The following LAD1 variants were observed in gnomAD, a reference collection of about 807,000 sequenced individuals.
The protein encoded by LAD1 is ladinin 1.
LAD1 carries 53 observed loss-of-function variants against 54.2 expected under a neutral mutation model. That is an observed-to-expected ratio of 0.98 (90% CI 0.78 to 1.23). The LOEUF (loss-of-function observed/expected upper bound fraction) is 1.23. LAD1 is among the 50% of genes most tolerant of loss of function. The pLI is 0.00. For synonymous variants in LAD1, 231 were observed against 257.7 expected, an observed-to-expected ratio of 0.90 and a Z score of 0.99; for missense variants, 637 against 653.3, an observed-to-expected ratio of 0.98 and a Z score of 0.27.
chr1:201,381,467 G>C lies in LAD1; in HGVS notation c.*421C>G, dbSNP rs543317437. On this transcript the variant is annotated 3_prime_UTR_variant, in exon 10 of 10. Coordinates refer to ENST00000391967, the MANE Select transcript of LAD1 (RefSeq NM_005558.4). ...TGGGTGGGTCCAGGCCTCAGAGAAGGGGGACATCATAGACAAAGAGGCACT... is the reference window on the plus strand; with the variant it reads ...TGGGTGGGTCCAGGCCTCAGAGAAGCGGGACATCATAGACAAAGAGGCACT... 1 of 271,416 alleles carries C rather than the reference G, an allele frequency of 3.7e-6. No individual in the cohort carries two copies. Among genetic ancestry groups the C allele is most frequent in the South Asian group, 3.7e-5 (1 of 26,858 alleles). The allele number at this position is 271,416 out of a possible 1,614,324, so 16.8% of individuals were successfully genotyped here.
chr1:201,387,486 T>C (rs1408623339), intron 2 of LAD1, among the ~76,000 whole-genome samples: 1 of 152,192 alleles, frequency 6.6e-6, no homozygotes, highest in African/African-American at 2.4e-5. Context: ...CTTGGGGCAT[T>C]GGGGATCAAA....
At chr1:201,387,212 T>C (rs761520509) in intron 2 of LAD1, 34 bp from the exon 3 acceptor site, 8 of 1,479,296 alleles carry the variant, frequency 5.4e-6, no homozygotes, top group Admixed American at 4.8e-5. Flanking sequence ...AATCAGAGGA[T>C]AGAGGTGGAA....
Position 201,389,278 on chromosome 1 carries a change from C to T in LAD1, c.64G>A (p.Asp22Asn), listed in dbSNP as rs1326943068. 2 of 1,613,664 alleles carry T rather than the reference C, an allele frequency of 1.2e-6. No individual in the cohort carries two copies. The highest frequency in any genetic ancestry group is 1.1e-5 in the South Asian group (1 of 91,076). ...SSLARQRTLEDEEEQERERRR... is the reference protein window; with the variant it reads ...SSLARQRTLENEEEQERERRR... ...CGCTCGCGCTCCTGTTCCTCCTCAT[C>T]CTCCAGAGTCCTCTGCCGGGCAAGG... The change falls in exon 2 of 10, where the codon GAT becomes AAT. Residue 22 changes from aspartate (D) to asparagine (N), a missense_variant. Transcript: ENST00000391967.
chr1:201,383,769 T>C (rs367631562), intron 5 of LAD1, among the ~76,000 whole-genome samples: 31 of 152,228 alleles, frequency 2.0e-4, no homozygotes, highest in African/African-American at 7.0e-4. Context: ...AATCTGATCC[T>C]GTCCTTCCAG....
intron 1 of LAD1, chr1:201,397,216 A>T (rs1662306167): frequency 6.6e-6 from 1 of 152,456 alleles, no homozygotes; most frequent in South Asian, 2.1e-4. Context: ...GGCTCTGTTG[A>T]CAGTGACTCA....
intron 5 of LAD1, among the ~76,000 whole-genome samples, chr1:201,384,129 A>G (rs1662026081): frequency 6.6e-6 from 1 of 152,036 alleles, no homozygotes; most frequent in Non-Finnish European, 1.5e-5. Flanking sequence ...GAGCTGCTAT[A>G]GGTTTGCTGG....
intron 4 of LAD1, 40 bp from the exon 5 acceptor site, chr1:201,384,875 C>G (rs553467805): frequency 1.7e-4 from 279 of 1,607,464 alleles, no homozygotes; most frequent in South Asian, 3.7e-4. Context: ...TGGGAGTCCC[C>G]GGGAAATCGG....
rs768155714 is a variant in LAD1, at chr1:201,383,319, G to A, written c.1246C>T (p.Arg416Trp). The A allele has an allele frequency of 9.3e-6, 15 of 1,613,848 alleles. No homozygotes were observed. Among genetic ancestry groups the A allele is most frequent in the African/African-American group, 4.0e-5 (3 of 74,910 alleles). Residue 416 changes from arginine to tryptophan, a missense_variant and splice_region_variant, in exon 6 of 10, where the codon CGG becomes TGG. Transcript: ENST00000391967. Reference sequence around the variant, plus strand: ...CCTCAGGAGAAGCCCCCACCCACCCGTATGGCCGTGTGGTATCTCTCCAGC... The same window carrying A: ...CCTCAGGAGAAGCCCCCACCCACCCATATGGCCGTGTGGTATCTCTCCAGC... ...EKLERYHTAI[R>W]RSESVKSRGL...
chr1:201,382,643 G>A lies in LAD1; in HGVS notation c.1473+10C>T. ...TCCACAGTAAGAGACATCAGGGAGG[G>A]TGAGGATACCTGGGGGTCCTGATCT... is the stretch of plus-strand genomic sequence containing the variant. On this transcript the variant is annotated intron_variant, in intron 8 of 9. Coordinates refer to ENST00000391967, the MANE Select transcript of LAD1 (RefSeq NM_005558.4). 1 of 1,586,858 alleles carries A rather than the reference G, an allele frequency of 6.3e-7. No homozygotes were observed. Among genetic ancestry groups the A allele is most frequent in the Non-Finnish European group, 8.6e-7 (1 of 1,164,828 alleles).
chr1:201,382,572 C>T (rs1449781842), intron 8 of LAD1, 81 bp downstream of exon 8: 1 of 1,203,060 alleles, frequency 8.3e-7, no homozygotes, highest in Non-Finnish European at 1.2e-6. Flanking sequence ...GACTCCTCCT[C>T]TCCCGACTGT....
At chr1:201,398,997 G>A (rs1322860352) in intron 1 of LAD1, among the ~76,000 whole-genome samples, 1 of 152,188 alleles carries the variant, frequency 6.6e-6, no homozygotes, top group Non-Finnish European at 1.5e-5. Context: ...CTTCCACAGG[G>A]GGGGCCATAT....
chr1:201,384,876 G>A (rs199720743), intron 4 of LAD1, 41 bp from the exon 5 acceptor site: 67 of 1,607,804 alleles, frequency 4.2e-5, no homozygotes, highest in African/African-American at 3.6e-4. Context: ...GGGAGTCCCC[G>A]GGAAATCGGT....
rs772456643 is a variant in LAD1, at chr1:201,386,622, T to A, written c.739A>T (p.Met247Leu). 45 of 1,614,030 alleles carry A rather than the reference T, an allele frequency of 2.8e-5. 1 individual carries two copies. In the South Asian group the frequency reaches 4.5e-4, roughly 16 times the overall value. ...SVSEKSLAPG[M>L]ALGSGRRLVS... is the part of the protein sequence containing the mutation. ...AGCCTCCTTCCTGAGCCCAGTGCCA[T>A]CCCTGGGGCCAGCGACTTCTCAGAG... The change falls in exon 3 of 10, where the codon ATG becomes TTG. Residue 247 changes from methionine to leucine, a missense_variant. By Grantham distance (15) the Met-to-Leu change is conservative. Transcript: ENST00000391967.
chr1:201,394,636 GC>G (rs1429379132), intron 1 of LAD1, among the ~76,000 whole-genome samples: 11 of 152,288 alleles, frequency 7.2e-5, no homozygotes, highest in African/African-American at 2.6e-4. Context: ...TATAAGGCAG[GC>G]TCCAAAGTCC....
In LAD1 at chr1:201,399,298, G is replaced by T; in HGVS notation, c.9C>A (p.Val3=). MA[V]SRKDWSALSS... is the part of the protein sequence containing the mutation. ...ACAGCGCGGACCAGTCCTTCCTGCT[G>T]ACAGCCATGCTGCAGGAGCCCCGCG... The change falls in exon 1 of 10, where the codon GTC becomes GTA. Residue 3 remains valine (V), a synonymous_variant. Coordinates refer to ENST00000391967, the MANE Select transcript of LAD1 (RefSeq NM_005558.4). The T allele has an allele frequency of 6.5e-7, 1 of 1,544,830 alleles. No homozygotes were observed. The highest frequency in any genetic ancestry group is 1.4e-5 in the African/African-American group (1 of 73,344).
At chr1:201,390,333 A>G (rs1422485720) in intron 1 of LAD1, among the ~76,000 whole-genome samples, 2 of 151,118 alleles carry the variant, frequency 1.3e-5, no homozygotes, top group Middle Eastern at 3.5e-3. Flanking sequence ...ATCACCAGAG[A>G]TCAAGACTTG....
At chr1:201,399,187 G>T in intron 1 of LAD1, 82 bp downstream of exon 1, 1 of 1,151,826 alleles carries the variant, frequency 8.7e-7, no homozygotes, top group Non-Finnish European at 1.3e-6. Context: ...CCCAGGCGGG[G>T]AGGAGGCCGG....
chr1:201,388,681 C>G (rs913085911), intron 2 of LAD1, among the ~76,000 whole-genome samples: 1 of 107,792 alleles, frequency 9.3e-6, no homozygotes, highest in East Asian at 2.7e-4. Flanking sequence ...GACTTCGTCT[C>G]AAAAAAAAAA....
Position 201,386,951 on chromosome 1 carries a change from TCC to T in LAD1, c.408_409del (p.Glu137ThrfsTer55). On this transcript the variant is annotated frameshift_variant, in exon 3 of 10. Coordinates refer to ENST00000391967, the MANE Select transcript of LAD1 (RefSeq NM_005558.4). LOFTEE classifies it high-confidence loss of function. ...TCTCCGGCGAGGTGGGATTTCCAGT[TCC>T]TTCTTGGAGACTAGGGGTTTCTGTG... 1 of 1,611,432 alleles carries T rather than the reference TCC, an allele frequency of 6.2e-7. No individual in the cohort carries two copies. The highest frequency in any genetic ancestry group is 8.5e-7 in the Non-Finnish European group (1 of 1,179,264).
Sources: allele counts gnomAD v4.1 joint callset (sites outside exome capture counted in the v4.1 genomes callset), GRCh38; gene constraint gnomAD v4.1.1; transcripts MANE v1.5; gene names NCBI Gene and HGNC (gene_info 2026-07-23, HGNC 2026-07-21).